The following SNX29 variants were observed in gnomAD, a reference collection of about 807,000 sequenced individuals.
SNX29 encodes the protein sorting nexin-29.
A neutral mutation model predicts 102.1 loss-of-function variants in SNX29; 78 were observed. The observed-to-expected ratio is 0.76, with a 90% CI of 0.64 to 0.92. SNX29 has a LOEUF of 0.92. Among genes scored for constraint, SNX29 ranks in the 40% least tolerant of loss-of-function variants. SNX29 has a pLI of 0.00. For synonymous variants in SNX29, 580 were observed against 414.5 expected (o/e 1.40, Z -4.85); for missense variants, 1,280 against 1,061.7 (o/e 1.21, Z -2.86).
intron 17 of SNX29, among the ~76,000 whole-genome samples, chr16:12,400,458 AC>A (rs2083895975): frequency 6.6e-6 from 1 of 152,164 alleles, no homozygotes; most frequent in Admixed American, 6.6e-5. Flanking sequence ...CGGGTTTCAA[AC>A]CCAGGCAGTG....
At chr16:12,063,933 G>A (rs1247088818) in intron 9 of SNX29, among the ~76,000 whole-genome samples, 1 of 152,094 alleles carries the variant, frequency 6.6e-6, no homozygotes, top group Non-Finnish European at 1.5e-5. Context: ...TTCAGCGGCA[G>A]TGTAGATGCA....
At chr16:11,979,672 C>T (rs755491025) in intron 1 of SNX29, among the ~76,000 whole-genome samples, 1 of 152,206 alleles carries the variant, frequency 6.6e-6, no homozygotes, top group Non-Finnish European at 1.5e-5. Flanking sequence ...CAACCTTCGC[C>T]TCCTGGGTTC....
chr16:12,559,743 T>C (rs565733994), intron 20 of SNX29, among the ~76,000 whole-genome samples: 2 of 152,294 alleles, frequency 1.3e-5, no homozygotes, highest in East Asian at 1.9e-4. Context: ...GAAATAGTGA[T>C]GCCCAGCCTG....
chr16:12,447,825 C>A (rs1299809296), intron 18 of SNX29, among the ~76,000 whole-genome samples: 2 of 152,202 alleles, frequency 1.3e-5, no homozygotes, highest in African/African-American at 2.4e-5. Context: ...CTCAGAGAGC[C>A]CTCTCTTCCC....
intron 16 of SNX29, among the ~76,000 whole-genome samples, chr16:12,381,196 G>GACCCACCTACCATCCACCTACAC (rs1313035421): frequency 0.04 from 116 of 2,890 alleles, 23 homozygotes; most frequent in African/African-American, 0.31. Context: ...TCCACCCACC[G>GACCCACCTACCATCCACCTACAC]ACCCACCTAC....
chr16:12,196,242 A>C (rs1273069935), intron 13 of SNX29, among the ~76,000 whole-genome samples: 1 of 152,064 alleles, frequency 6.6e-6, no homozygotes, highest in Admixed American at 6.6e-5. Context: ...GGTGGGTAGC[A>C]TGAGCCACCA....
At chr16:12,005,814 C>T (rs1374725976) in intron 3 of SNX29, among the ~76,000 whole-genome samples, 6 of 152,078 alleles carry the variant, frequency 3.9e-5, no homozygotes, top group Admixed American at 1.3e-4. Context: ...TTGGATTAGG[C>T]GTGCCTAACT....
chr16:12,262,433 T>G (rs1038507877), intron 14 of SNX29, among the ~76,000 whole-genome samples: 3 of 152,162 alleles, frequency 2.0e-5, no homozygotes, highest in Admixed American at 1.3e-4. Flanking sequence ...CTTAAGCACA[T>G]GCACAAAGAG....
intron 3 of SNX29, among the ~76,000 whole-genome samples, chr16:12,025,357 A>G (rs979314873): frequency 2.0e-5 from 3 of 150,616 alleles, no homozygotes; most frequent in Admixed American, 2.0e-4. Context: ...ACGTATGCAC[A>G]TCTATAATAA....
intron 8 of SNX29, among the ~76,000 whole-genome samples, chr16:12,058,569 C>T (rs1372626323): frequency 2.8e-5 from 4 of 143,544 alleles, no homozygotes; most frequent in African/African-American, 1.0e-4. Context: ...TCTCAGCTCA[C>T]TGCAACCTCC....
intron 20 of SNX29, among the ~76,000 whole-genome samples, chr16:12,562,820 A>C (rs987422733): frequency 8.6e-5 from 13 of 152,006 alleles, no homozygotes; most frequent in Non-Finnish European, 1.8e-4. Context: ...TTTCCCCCCA[A>C]ATTTCCTAGC....
intron 18 of SNX29, among the ~76,000 whole-genome samples, chr16:12,448,356 G>A (rs908862528): frequency 1.3e-5 from 2 of 152,150 alleles, no homozygotes; most frequent in Non-Finnish European, 2.9e-5. Context: ...CACCAGCTGA[G>A]TATTGGACAG....
At chr16:12,431,462 GT>G (rs905836567) in intron 18 of SNX29, among the ~76,000 whole-genome samples, 1 of 98,750 alleles carries the variant, frequency 1.0e-5, no homozygotes, top group African/African-American at 4.0e-5. Context: ...TTGTTTTTTT[GT>G]TTTTTTTGCA....
chr16:12,500,676 G>T (rs1299815574), intron 19 of SNX29, among the ~76,000 whole-genome samples: 1 of 152,204 alleles, frequency 6.6e-6, no homozygotes, highest in Non-Finnish European at 1.5e-5. Flanking sequence ...TGTGGTCTGT[G>T]TACCAGTGAC....
chr16:12,017,424 A>T (rs1340311629), intron 3 of SNX29, among the ~76,000 whole-genome samples: 1 of 152,156 alleles, frequency 6.6e-6, no homozygotes, highest in Non-Finnish European at 1.5e-5. Context: ...CATTTGTAGA[A>T]ACAGAGTTTT....
At chr16:12,260,777 A>G (rs111952954) in intron 14 of SNX29, among the ~76,000 whole-genome samples, 5,917 of 44,790 alleles carry the variant, frequency 0.13, 149 homozygotes, top group African/African-American at 0.23. Flanking sequence ...GCTGAGCTCC[A>G]GTCTGTGCAT....
chr16:12,071,886 C>T (rs1338667090), intron 10 of SNX29, among the ~76,000 whole-genome samples: 2 of 152,212 alleles, frequency 1.3e-5, no homozygotes, highest in African/African-American at 2.4e-5. Context: ...AGGTCCTTCA[C>T]GTCCCTTGTA....
intron 18 of SNX29, among the ~76,000 whole-genome samples, chr16:12,430,170 A>G (rs1478273413): frequency 1.3e-5 from 2 of 152,166 alleles, no homozygotes; most frequent in Admixed American, 6.5e-5. Flanking sequence ...TCTGAGGGGA[A>G]CCCTCAGTTC....
At chr16:12,523,569 G>A (rs563071686) in intron 19 of SNX29, among the ~76,000 whole-genome samples, 22 of 152,350 alleles carry the variant, frequency 1.4e-4, no homozygotes, top group Admixed American at 6.5e-4. Flanking sequence ...CCAGGCCAAC[G>A]TGACAGTGTG....
Sources: allele counts gnomAD v4.1 joint callset (sites outside exome capture counted in the v4.1 genomes callset), GRCh38; gene constraint gnomAD v4.1.1; transcripts MANE v1.5; gene names NCBI Gene and HGNC (gene_info 2026-07-23, HGNC 2026-07-21).